Variants in MAVS observed in about 807,000 individuals in gnomAD.
MAVS encodes the protein mitochondrial antiviral-signaling protein.
MAVS carries 20 observed loss-of-function variants against 30.2 expected under a neutral mutation model. The ratio of observed to expected loss-of-function variants is 0.66; its 90% confidence interval spans 0.47 to 0.96. The LOEUF is 0.96. MAVS is among the 40% of genes least tolerant of loss of function. The pLI is 0.00. For missense variants in MAVS, 624 were observed against 701.1 expected (o/e 0.89, Z 1.24); for synonymous variants, 278 against 293.9 (o/e 0.95, Z 0.55).
chr20:3,866,397 C>T lies in MAVS; in HGVS notation c.*250C>T. The T allele has an allele frequency of 1.9e-6, 1 of 529,278 alleles. No homozygotes were observed. The highest frequency in any genetic ancestry group is 3.3e-6 in the Non-Finnish European group (1 of 300,506). 32.8% of individuals were successfully genotyped at this position (529,278 alleles called of 1,614,324 possible). ...GGGTCCTGGGCTGCCCCCAGTGCTCCAGACCTTCCCCACTGGCAATCCAGG... is the reference window on the plus strand; with the variant it reads ...GGGTCCTGGGCTGCCCCCAGTGCTCTAGACCTTCCCCACTGGCAATCCAGG... On this transcript the variant is annotated 3_prime_UTR_variant, in exon 7 of 7. Transcript: ENST00000428216.
intron 2 of MAVS, among the ~76,000 whole-genome samples, chr20:3,856,091 G>T (rs539700169): frequency 6.7e-6 from 1 of 148,714 alleles, no homozygotes; most frequent in South Asian, 2.1e-4. Context: ...GTCTCACTCT[G>T]TCGCCCAGGC....
intron 2 of MAVS, 92 bp downstream of exon 2, chr20:3,854,833 G>T: frequency 1.3e-6 from 1 of 794,712 alleles, no homozygotes; most frequent in African/African-American, 1.8e-5. Flanking sequence ...ACCCAAGCCT[G>T]GGCTGGCTCC....
Position 3,872,904 on chromosome 20 carries a change from G to A in MAVS, c.*6757G>A, listed in dbSNP as rs7272495. 0.33 allele frequency: 50,921 copies of A among 152,126 alleles called. 11,020 individuals carry two copies. The highest frequency in any genetic ancestry group is 0.62 in the African/African-American group (25,682 of 41,434). 9.4% of individuals were successfully genotyped at this position (152,126 alleles called of 1,614,324 possible). A position where few individuals can be genotyped will look rare whatever the true frequency, so the allele number is the denominator to read the frequency against. ...TAATACGGCAAAGACCCCACCCGAT[G>A]AGCCCCCTCCCACCACCCACCAGTA... On this transcript the variant is annotated 3_prime_UTR_variant, in exon 7 of 7. Transcript: ENST00000428216.
At position 3,858,571 on chromosome 20, in the gene MAVS, A is replaced by C. The variant is rs1332108331; in HGVS notation, c.292+762A>C. On this transcript the variant is annotated intron_variant, in intron 3 of 6. Coordinates refer to ENST00000428216, the MANE Select transcript of MAVS (RefSeq NM_020746.5). Reference sequence around the variant, plus strand: ...TCCCAGCTACTCAGGAGGCCGAGGCAGGAGAATCACTTGAACCAGGGAGGC... The same window carrying C: ...TCCCAGCTACTCAGGAGGCCGAGGCCGGAGAATCACTTGAACCAGGGAGGC... Among the ~76,000 whole-genome samples the C allele has an allele frequency of 2.7e-5, 4 of 150,540 alleles. No homozygotes were observed. In the East Asian group the frequency reaches 8.0e-4, roughly 30 times the overall value.
At position 3,853,464 on chromosome 20, in the gene MAVS, C is replaced by G. The variant is rs774535700; in HGVS notation, c.-67-1094C>G. On this transcript the variant is annotated intron_variant, in intron 1 of 6. Coordinates refer to ENST00000428216, the MANE Select transcript of MAVS (RefSeq NM_020746.5). ...TCGCGCCACCGCACTCCAGCCTGGGCGACAGAGAAAGACTCCGTCTCAAAA... is the reference window on the plus strand; with the variant it reads ...TCGCGCCACCGCACTCCAGCCTGGGGGACAGAGAAAGACTCCGTCTCAAAA... 1.9e-3 allele frequency among the ~76,000 whole-genome samples: 282 copies of G among 145,200 alleles called. 2 individuals carry two copies. Among genetic ancestry groups the G allele is most frequent in the African/African-American group, 6.6e-3 (257 of 39,146 alleles).
chr20:3,870,028 T>C lies in MAVS; in HGVS notation c.*3881T>C, dbSNP rs1302904358. 2.6e-5 allele frequency: 4 copies of C among 152,362 alleles called. No individual in the cohort carries two copies. The highest frequency in any genetic ancestry group is 5.9e-5 in the Non-Finnish European group (4 of 68,068). The allele number at this position is 152,362 out of a possible 1,614,324, so 9.4% of individuals were successfully genotyped here. ...ATGCCAGCTTCAAGCAGGGTGTGAA[T>C]TGGCCAGTGTCAGATCTCAGGAGTC... On this transcript the variant is annotated 3_prime_UTR_variant, in exon 7 of 7. Coordinates refer to ENST00000428216, the MANE Select transcript of MAVS (RefSeq NM_020746.5).
At chr20:3,847,605 C>G (rs2089719917) in intron 1 of MAVS, among the ~76,000 whole-genome samples, 1 of 152,202 alleles carries the variant, frequency 6.6e-6, no homozygotes, top group Non-Finnish European at 1.5e-5. Context: ...TCAAAAATAT[C>G]TAGGAGGACA....
intron 1 of MAVS, among the ~76,000 whole-genome samples, chr20:3,848,348 C>A (rs541969672): frequency 5.3e-4 from 81 of 152,316 alleles, no homozygotes; most frequent in South Asian, 1.0e-3. Context: ...ATCTGCCTGC[C>A]TCGGCCTCCC....
rs866545180 is a variant in MAVS at position 3,850,582 on chromosome 20, T to C, written c.-68+3679T>C. On this transcript the variant is annotated intron_variant, in intron 1 of 6. Coordinates refer to ENST00000428216, the MANE Select transcript of MAVS (RefSeq NM_020746.5). ...TCCAGCCTGGGCAAAAAGAGTGAAC[T>C]CCATTTCAAAAAAAAAAAAAAAGGC... 9.6e-3 allele frequency among the ~76,000 whole-genome samples: 947 copies of C among 98,392 alleles called. 8 individuals are homozygous for C. The highest frequency in any genetic ancestry group is 0.035 in the African/African-American group (866 of 24,868). The allele number at this position is 98,392 out of a possible 152,430, so 64.5% of individuals were successfully genotyped here.
rs918160631 is a variant in MAVS, at chr20:3,875,302, A to G, written c.*9155A>G. The G allele has an allele frequency of 2.0e-5, 3 of 152,006 alleles. No homozygotes were observed. The highest frequency in any genetic ancestry group is 7.2e-5 in the African/African-American group (3 of 41,388). The allele number at this position is 152,006 out of a possible 1,614,324, so 9.4% of individuals were successfully genotyped here. On this transcript the variant is annotated 3_prime_UTR_variant, in exon 7 of 7. Transcript: ENST00000428216. ...ATGATGATATATGCCTGTAGTCCCA[A>G]CTACTTGGAAGGCTGAGGTGTGAGG...
intron 1 of MAVS, among the ~76,000 whole-genome samples, chr20:3,850,409 G>A (rs1394869057): frequency 1.4e-5 from 2 of 146,898 alleles, no homozygotes; most frequent in African/African-American, 2.5e-5. Context: ...ACCGGAACAT[G>A]GTGAAACCCT....
chr20:3,872,578 A>ACG lies in MAVS; in HGVS notation c.*6432_*6433dup, dbSNP rs1686896217. The stretch of plus-strand genomic sequence containing the variant: ...TTATGACAATATGATTACAACTATC[A>ACG]CGTGTGTGCCCAGCCAGGCTCAATG... On this transcript the variant is annotated 3_prime_UTR_variant, in exon 7 of 7. Transcript: ENST00000428216. 1 of 152,290 alleles carries ACG rather than the reference A, an allele frequency of 6.6e-6. No individual in the cohort carries two copies. Among genetic ancestry groups the ACG allele is most frequent in the Admixed American group, 6.5e-5 (1 of 15,270 alleles). The allele number at this position is 152,290 out of a possible 1,614,324, so 9.4% of individuals were successfully genotyped here.
In MAVS at chr20:3,864,246, C is replaced by G. The variant is rs367593350; in HGVS notation, c.626-10C>G. On this transcript the variant is annotated splice_polypyrimidine_tract_variant and intron_variant, in intron 5 of 6. Coordinates refer to ENST00000428216, the MANE Select transcript of MAVS (RefSeq NM_020746.5). ...GGTCTGTGTTTCCACTTGTGTTTTT[C>G]CACCGGCAGGTGCGACCTCCAGCCT... 2.4e-5 allele frequency: 38 copies of G among 1,591,956 alleles called. No individual in the cohort carries two copies. In the African/African-American group the frequency reaches 5.1e-4, roughly 21 times the overall value.
chr20:3,850,990 G>T (rs1304483747), intron 1 of MAVS, among the ~76,000 whole-genome samples: 1 of 151,780 alleles, frequency 6.6e-6, no homozygotes. Context: ...TTCGAGACCA[G>T]CCTGGCCAAC....
chr20:3,869,080 T>G lies in MAVS; in HGVS notation c.*2933T>G, dbSNP rs1403992694. 3 of 152,160 alleles carry G rather than the reference T, an allele frequency of 2.0e-5. No individual in the cohort carries two copies. Among genetic ancestry groups the G allele is most frequent in the African/African-American group, 7.2e-5 (3 of 41,444 alleles). 9.4% of individuals were successfully genotyped at this position (152,160 alleles called of 1,614,324 possible). A position where few individuals can be genotyped will look rare whatever the true frequency, so the allele number is the denominator to read the frequency against. ...GGTGCAATCATAACTCACTGTATCC[T>G]TAAACTCCCGGGCTTAAGCGATCCT... On this transcript the variant is annotated 3_prime_UTR_variant, in exon 7 of 7. Transcript: ENST00000428216.
At chr20:3,850,817 T>G (rs73610109) in intron 1 of MAVS, among the ~76,000 whole-genome samples, 2 of 130,520 alleles carry the variant, frequency 1.5e-5, no homozygotes, top group Admixed American at 1.7e-4. Flanking sequence ...ACCCAGGAGG[T>G]GGAGCTTGCA....
intron 1 of MAVS, 91 bp downstream of exon 1, chr20:3,846,994 C>T (rs551905708): frequency 1.6e-3 from 240 of 152,596 alleles, no homozygotes; most frequent in Non-Finnish European, 2.7e-3. Flanking sequence ...ACGGAGTCCG[C>T]CGGGACGCCC....
rs2146789402 is a variant in MAVS, at chr20:3,874,504, A to G, written c.*8357A>G. On this transcript the variant is annotated 3_prime_UTR_variant, in exon 7 of 7. Transcript: ENST00000428216. ...AGGGACTGTGAAATGTTATAGTGGA[A>G]AAAAAGGGAAGGCTCTGGGTGTGCT... 3.2e-6 allele frequency: 1 copy of G among 316,012 alleles called. No individual in the cohort carries two copies. 19.6% of individuals were successfully genotyped at this position (316,012 alleles called of 1,614,324 possible).
In MAVS at chr20:3,866,248, TG is replaced by T; in HGVS notation, c.*104del. ...TCCCTTTCTTGGGGATTGTGGAGGC[TG>T]GGTCAGAGGGGAGTTAAGGGACTGC... On this transcript the variant is annotated 3_prime_UTR_variant, in exon 7 of 7. Coordinates refer to ENST00000428216, the MANE Select transcript of MAVS (RefSeq NM_020746.5). 1 of 1,200,928 alleles carries T rather than the reference TG, an allele frequency of 8.3e-7. No individual in the cohort carries two copies. Among genetic ancestry groups the T allele is most frequent in the East Asian group, 2.5e-5 (1 of 39,272 alleles). 74.4% of individuals were successfully genotyped at this position (1,200,928 alleles called of 1,614,324 possible).
Sources: allele counts gnomAD v4.1 joint callset (sites outside exome capture counted in the v4.1 genomes callset), GRCh38; gene constraint gnomAD v4.1.1; transcripts MANE v1.5; gene names NCBI Gene and HGNC (gene_info 2026-07-23, HGNC 2026-07-21).